The following BMAL2 variants were observed in gnomAD, a reference collection of about 807,000 sequenced individuals.
The protein encoded by BMAL2 is basic helix-loop-helix ARNT like 2, also known as basic helix-loop-helix ARNT-like protein 2.
the BMAL2 span, chr12:27,415,909 G>GA: frequency 1.2e-6 from 2 of 1,608,204 alleles, no homozygotes; most frequent in South Asian, 2.2e-5. Flanking sequence ...GAGTCCAACA[G>GA]GTTTAATGAA....
the BMAL2 span, chr12:27,333,075 G>GGCGGCGGAAGAGGAGGCT: frequency 1.1e-5 from 13 of 1,204,734 alleles, no homozygotes; most frequent in Non-Finnish European, 1.3e-5. Context: ...CTCCTGCGAT[G>GGCGGCGGAAGAGGAGGCT]GCGGCGGAAG....
the BMAL2 span, chr12:27,370,378 C>A: frequency 1.6e-6 from 1 of 607,106 alleles, no homozygotes; most frequent in East Asian, 2.9e-5. Flanking sequence ...TTTATCCTAC[C>A]AGATTCTATT....
At chr12:27,420,592 T>C in the BMAL2 span, 1 of 1,492,570 alleles carries the variant, frequency 6.7e-7, no homozygotes, top group South Asian at 1.4e-5. Flanking sequence ...TACGAAAAAC[T>C]GTCTCAACTA....
At chr12:27,385,722 A>C in the BMAL2 span, among the ~76,000 whole-genome samples, 25,134 of 152,152 alleles carry the variant, frequency 0.17, 2,218 homozygotes, top group African/African-American at 0.2. Flanking sequence ...GTAGCCATGC[A>C]TTACTAGTTT....
At chr12:27,415,448 A>G in the BMAL2 span, among the ~76,000 whole-genome samples, 1 of 152,216 alleles carries the variant, frequency 6.6e-6, no homozygotes, top group African/African-American at 2.4e-5. Context: ...ATGACCTATT[A>G]TAGTAAAAAT....
chr12:27,356,540 T>C, the BMAL2 span, among the ~76,000 whole-genome samples: 3 of 152,208 alleles, frequency 2.0e-5, no homozygotes, highest in East Asian at 5.8e-4. Context: ...AAGTTGCGTG[T>C]ATGTCTTACA....
chr12:27,346,192 G>T, the BMAL2 span, among the ~76,000 whole-genome samples: 1 of 151,332 alleles, frequency 6.6e-6, no homozygotes, highest in African/African-American at 2.4e-5. Flanking sequence ...TATAAACTTT[G>T]ATTTACCTTC....
At chr12:27,353,355 A>G in the BMAL2 span, among the ~76,000 whole-genome samples, 1 of 152,190 alleles carries the variant, frequency 6.6e-6, no homozygotes, top group Non-Finnish European at 1.5e-5. Flanking sequence ...AAACTGTGCT[A>G]GGATAACTGG....
At chr12:27,339,899 T>G in the BMAL2 span, among the ~76,000 whole-genome samples, 24 of 152,310 alleles carry the variant, frequency 1.6e-4, 1 homozygote, top group African/African-American at 5.3e-4. Flanking sequence ...CATGTATGTC[T>G]TTTGAAAAGT....
the BMAL2 span, among the ~76,000 whole-genome samples, chr12:27,402,894 C>G: frequency 6.6e-6 from 1 of 152,164 alleles, no homozygotes; most frequent in African/African-American, 2.4e-5. Flanking sequence ...ACCATGTCCC[C>G]CTCAAAATTC....
the BMAL2 span, among the ~76,000 whole-genome samples, chr12:27,366,380 A>G: frequency 3.3e-5 from 5 of 152,286 alleles, no homozygotes; most frequent in African/African-American, 1.2e-4. Context: ...TACTTGATCT[A>G]TCAGTTACTG....
the BMAL2 span, among the ~76,000 whole-genome samples, chr12:27,398,145 T>C: frequency 6.6e-6 from 1 of 152,224 alleles, no homozygotes; most frequent in Non-Finnish European, 1.5e-5. Flanking sequence ...AAACTTCTTA[T>C]ATTTGAATCC....
chr12:27,380,255 A>G, the BMAL2 span: 1 of 1,614,134 alleles, frequency 6.2e-7, no homozygotes, highest in Non-Finnish European at 8.5e-7. Context: ...AGAGAAGCTC[A>G]TAGCCAAACT....
chr12:27,346,208 T>C, the BMAL2 span, among the ~76,000 whole-genome samples: 10 of 147,166 alleles, frequency 6.8e-5, no homozygotes, highest in Admixed American at 6.2e-4. Flanking sequence ...CCTTCTTACT[T>C]ATTCCCACTT....
At chr12:27,389,321 A>T in the BMAL2 span, 3 of 1,449,660 alleles carry the variant, frequency 2.1e-6, no homozygotes, top group Non-Finnish European at 2.9e-6. Context: ...CCGCATGCTT[A>T]TTATTTTATG....
At chr12:27,350,978 A>ACCCCCTC in the BMAL2 span, among the ~76,000 whole-genome samples, 1 of 48,326 alleles carries the variant, frequency 2.1e-5, no homozygotes, top group Non-Finnish European at 3.9e-5. Context: ...CCATGCCCAG[A>ACCCCCTC]CCCCACCCAC....
the BMAL2 span, among the ~76,000 whole-genome samples, chr12:27,354,932 A>G: frequency 6.6e-6 from 1 of 152,300 alleles, no homozygotes; most frequent in East Asian, 1.9e-4. Context: ...TAGGCCAAAA[A>G]TAAGATGTTT....
chr12:27,389,787 A>T, the BMAL2 span: 1 of 229,296 alleles, frequency 4.4e-6, no homozygotes, highest in African/African-American at 2.3e-5. Context: ...TTCCTGTAAT[A>T]GTTAAGGTTT....
the BMAL2 span, among the ~76,000 whole-genome samples, chr12:27,341,021 G>T: frequency 2.6e-5 from 4 of 152,234 alleles, 1 homozygote; most frequent in South Asian, 6.2e-4. Flanking sequence ...AGACTATAGG[G>T]TTTTCTAGAT....
Sources: gnomAD v4.1 joint callset for allele counts (sites outside exome capture counted in the v4.1 genomes callset) on GRCh38, gnomAD v4.1.1 for gene constraint, MANE v1.5 for transcripts, NCBI Gene and HGNC (gene_info 2026-07-23, HGNC 2026-07-21) for gene names.